Variants in CDKAL1 observed in about 807,000 individuals in gnomAD.
CDKAL1 encodes CDKAL1 threonylcarbamoyladenosine tRNA methylthiotransferase.
A neutral mutation model predicts 68.2 loss-of-function variants in CDKAL1; 32 were observed. The observed-to-expected ratio is 0.47, with a 90% CI of 0.35 to 0.63. CDKAL1 has a LOEUF of 0.63. Among genes scored for constraint, CDKAL1 ranks in the 30% least tolerant of loss-of-function variants. The probability of loss-of-function intolerance (pLI) is 0.00; values close to 1 mark genes in which losing one functional copy is unlikely to be tolerated. For missense variants in CDKAL1, 606 were observed against 696.7 expected (o/e 0.87, Z 1.47); for synonymous variants, 234 against 244.3 (o/e 0.96, Z 0.39).
chr6:20,640,875 G>A (rs1768141651), intron 4 of CDKAL1, among the ~76,000 whole-genome samples: 1 of 152,056 alleles, frequency 6.6e-6, no homozygotes, highest in African/African-American at 2.4e-5. Flanking sequence ...AAAAATGAAG[G>A]TCAACGTGGG....
chr6:20,871,572 C>T (rs1760216809), intron 9 of CDKAL1, among the ~76,000 whole-genome samples: 1 of 151,878 alleles, frequency 6.6e-6, no homozygotes, highest in Non-Finnish European at 1.5e-5. Flanking sequence ...ATATAAACAA[C>T]AACAACGACA....
intron 6 of CDKAL1, among the ~76,000 whole-genome samples, chr6:20,744,328 C>T (rs146548934): frequency 1.3e-5 from 2 of 152,234 alleles, no homozygotes; most frequent in East Asian, 1.9e-4. Context: ...CTTCAGAAAG[C>T]CTAGCTTCAA....
rs111581831 is a variant in CDKAL1, at chr6:20,630,942, A to C, written c.287-18351A>C. ...ATGCAAGTGGGAAAATGCTATGCAA[A>C]TGTGGTTATTTAGTTCTAATTTATT... On this transcript the variant is annotated intron_variant, in intron 4 of 15. Transcript: ENST00000274695. Among the ~76,000 whole-genome samples the C allele has an allele frequency of 9.0e-3, 1,364 of 152,334 alleles. 18 individuals are homozygous for C. Among genetic ancestry groups the C allele is most frequent in the African/African-American group, 0.031 (1,280 of 41,568 alleles).
chr6:20,576,757 C>T (rs1262206767), intron 4 of CDKAL1, among the ~76,000 whole-genome samples: 2 of 152,136 alleles, frequency 1.3e-5, no homozygotes, highest in African/African-American at 4.8e-5. Flanking sequence ...TGACACCTCC[C>T]ACTTGACTGT....
At chr6:21,137,000 G>A (rs140832154) in intron 13 of CDKAL1, among the ~76,000 whole-genome samples, 1 of 152,236 alleles carries the variant, frequency 6.6e-6, no homozygotes, top group Non-Finnish European at 1.5e-5. Flanking sequence ...GCCCCGACCA[G>A]CGTCTACCAT....
intron 10 of CDKAL1, among the ~76,000 whole-genome samples, chr6:20,982,142 T>A (rs1019987058): frequency 1.3e-5 from 2 of 151,886 alleles, no homozygotes; most frequent in Admixed American, 6.6e-5. Context: ...TCTTGGCTCA[T>A]TGCAACCTCC....
chr6:21,093,446 A>G (rs922641289), intron 12 of CDKAL1, among the ~76,000 whole-genome samples: 2 of 152,230 alleles, frequency 1.3e-5, no homozygotes, highest in African/African-American at 2.4e-5. Context: ...CAGCAGACTC[A>G]GCACAGATGA....
chr6:20,758,891 T>G (rs2820002), intron 7 of CDKAL1, among the ~76,000 whole-genome samples: 145,990 of 152,256 alleles, frequency 0.96, 70,004 homozygotes, highest in East Asian at 1. Context: ...CCCCAGCAGT[T>G]GGGGCTGGGG....
At chr6:21,149,252 G>T (rs1463938713) in intron 13 of CDKAL1, among the ~76,000 whole-genome samples, 1 of 151,888 alleles carries the variant, frequency 6.6e-6, no homozygotes, top group Non-Finnish European at 1.5e-5. Flanking sequence ...CGTTTCTCCT[G>T]CCTCAGCCTC....
At chr6:20,679,907 T>C (rs1463473628) in intron 5 of CDKAL1, among the ~76,000 whole-genome samples, 11 of 152,160 alleles carry the variant, frequency 7.2e-5, no homozygotes, top group Admixed American at 7.2e-4. Context: ...CCTTTTAATA[T>C]GCAGATTCAA....
chr6:21,143,760 A>G (rs1010407456), intron 13 of CDKAL1, among the ~76,000 whole-genome samples: 2 of 152,164 alleles, frequency 1.3e-5, no homozygotes, highest in Non-Finnish European at 2.9e-5. Context: ...AACCTGAAAG[A>G]TTATTGATTG....
chr6:20,540,713 C>T (rs1463870497), intron 2 of CDKAL1, among the ~76,000 whole-genome samples: 3 of 152,196 alleles, frequency 2.0e-5, no homozygotes, highest in African/African-American at 7.2e-5. Context: ...GCCTCAGCCT[C>T]CCAAAGTGTT....
chr6:20,967,121 CCT>C (rs1303905367), intron 10 of CDKAL1, among the ~76,000 whole-genome samples: 2 of 152,132 alleles, frequency 1.3e-5, no homozygotes, highest in Non-Finnish European at 1.5e-5. Context: ...CTTTCCTCTG[CCT>C]CTGTTTCCAG....
At chr6:21,078,227 T>C (rs544537780) in intron 12 of CDKAL1, among the ~76,000 whole-genome samples, 2 of 152,312 alleles carry the variant, frequency 1.3e-5, no homozygotes, top group African/African-American at 4.8e-5. Flanking sequence ...TCTGAGAACA[T>C]TGTCTGGCTT....
chr6:20,668,707 A>G (rs533921351), intron 5 of CDKAL1, among the ~76,000 whole-genome samples: 4 of 152,362 alleles, frequency 2.6e-5, no homozygotes, highest in Non-Finnish European at 5.9e-5. Context: ...TAATATTGAT[A>G]CAGACTTAAT....
At chr6:20,801,317 T>C (rs1039431696) in intron 8 of CDKAL1, among the ~76,000 whole-genome samples, 5 of 152,230 alleles carry the variant, frequency 3.3e-5, no homozygotes, top group African/African-American at 1.2e-4. Context: ...GATGAAACCA[T>C]AGCAGGCTTT....
chr6:21,206,210 G>A (rs1427768902), intron 15 of CDKAL1, among the ~76,000 whole-genome samples: 2 of 151,934 alleles, frequency 1.3e-5, no homozygotes, highest in African/African-American at 4.8e-5. Flanking sequence ...ATAACTTCTG[G>A]ACACCAGTTT....
intron 4 of CDKAL1, among the ~76,000 whole-genome samples, chr6:20,592,650 A>T (rs147529032): frequency 9.7e-4 from 148 of 151,994 alleles, no homozygotes; most frequent in African/African-American, 3.4e-3. Flanking sequence ...TTGTATCCTT[A>T]GTAGAGATGG....
At chr6:20,551,427 G>C (rs896770261) in intron 4 of CDKAL1, among the ~76,000 whole-genome samples, 1 of 151,466 alleles carries the variant, frequency 6.6e-6, no homozygotes, top group African/African-American at 2.4e-5. Flanking sequence ...GAGTGTAGTG[G>C]TGCAATCTCA....
Sources: allele counts gnomAD v4.1 joint callset (sites outside exome capture counted in the v4.1 genomes callset), GRCh38; gene constraint gnomAD v4.1.1; transcripts MANE v1.5; gene names NCBI Gene and HGNC (gene_info 2026-07-23, HGNC 2026-07-21).